The following DALRD3 variants were observed in gnomAD, a reference collection of about 807,000 sequenced individuals.
The protein encoded by DALRD3 is DALR anticodon binding domain containing 3.
DALRD3 carries 47 observed loss-of-function variants against 56.7 expected under a neutral mutation model. The observed-to-expected ratio is 0.83, with a 90% CI of 0.66 to 1.06. DALRD3 has a LOEUF of 1.06. DALRD3 is among the 50% of genes least tolerant of loss of function. The pLI, the probability that DALRD3 is intolerant of heterozygous loss-of-function variation, is 0.00. For synonymous variants in DALRD3, 347 were observed against 308.5 expected, an observed-to-expected ratio of 1.12 and a Z score of -1.31; for missense variants, 787 against 724.0, an observed-to-expected ratio of 1.09 and a Z score of -1.00.
Position 49,018,200 on chromosome 3 carries a change from A to G in DALRD3, c.284T>C (p.Phe95Ser). The change falls in exon 2 of 12, where the codon TTC becomes TCC. Residue 95 changes from phenylalanine (F) to serine (S), a missense_variant. By Grantham distance (155) the Phe-to-Ser change is radical. Coordinates refer to ENST00000341949, the MANE Select transcript of DALRD3 (RefSeq NM_001009996.3). Reference protein sequence around the residue: ...LSLQLQRSAVFERVLSAVAAY... With the variant: ...LSLQLQRSAVSERVLSAVAAY... Reference sequence around the variant, plus strand: ...GGCCACGGCGCTGAGGACGCGCTCGAAGACGGCGGACCGCTGCAGTTGGAG... The same window carrying G: ...GGCCACGGCGCTGAGGACGCGCTCGGAGACGGCGGACCGCTGCAGTTGGAG... 1 of 1,447,086 alleles carries G rather than the reference A, an allele frequency of 6.9e-7. No individual in the cohort carries two copies. Among genetic ancestry groups the G allele is most frequent in the Non-Finnish European group, 9.0e-7 (1 of 1,111,564 alleles). 89.6% of individuals were successfully genotyped at this position (1,447,086 alleles called of 1,614,324 possible).
At chr3:49,019,636 C>T (rs545781856), upstream of DALRD3, among the ~76,000 whole-genome samples, 19 of 152,150 alleles carry the variant, frequency 1.2e-4, no homozygotes, top group South Asian at 8.3e-4. Context: ...CGCGCCACCA[C>T]GCCCGGCTAC....
chr3:49,017,465 C>T lies in DALRD3; in HGVS notation c.767G>A (p.Trp256Ter). ...SVLAELQEALWHWPEDSHPGL... is the reference protein window; with the variant it reads ...SVLAELQEAL ...TGGGTGGCTGTCCTCGGGCCAATGC[C>T]ATAGAGCCTCTTGCAGCTCAGCCAG... The change falls in exon 4 of 12, where the codon TGG becomes TAG. Residue 256 changes from tryptophan (W) to a stop codon, truncating the protein, a stop_gained. Coordinates refer to ENST00000341949, the MANE Select transcript of DALRD3 (RefSeq NM_001009996.3). LOFTEE classifies it high-confidence loss of function. 6.2e-7 allele frequency: 1 copy of T among 1,614,124 alleles called. No homozygotes were observed. The highest frequency in any genetic ancestry group is 8.5e-7 in the Non-Finnish European group (1 of 1,180,038).
intron 1 of DALRD3, 21 bp downstream of exon 1, chr3:49,018,379 C>T: frequency 1.3e-6 from 2 of 1,544,136 alleles, no homozygotes; most frequent in Non-Finnish European, 1.7e-6. Context: ...GGCCGCACGG[C>T]CCCGCCCGGC....
At position 49,016,335 on chromosome 3, in the gene DALRD3, G is replaced by A; in HGVS notation, c.1152C>T (p.Phe384=). The change falls in exon 9 of 12, where the codon TTC becomes TTT. Residue 384 remains phenylalanine (F), a synonymous_variant. Transcript: ENST00000341949. ...MLSTAPQSQL[F]LALADSSIST... is the part of the protein sequence containing the mutation. ...AGATACTGCTGTCAGCCAGAGCCAG[G>A]AAGAGCTGGGGAATAGAAGCACAGC... The A allele has an allele frequency of 6.2e-7, 1 of 1,607,200 alleles. No individual in the cohort carries two copies. Among genetic ancestry groups the A allele is most frequent in the Non-Finnish European group, 8.5e-7 (1 of 1,174,544 alleles).
rs1049676569 is a variant in DALRD3 at position 49,018,549 on chromosome 3, G to A, written c.16C>T (p.Leu6Phe). MATRR[L>F]GVGETLGALN... ...GCCCCCAGCGTCTCCCCGACCCCAAGGCGCCTGGTCGCCATGGTGACCGGA... is the reference window on the plus strand; with the variant it reads ...GCCCCCAGCGTCTCCCCGACCCCAAAGCGCCTGGTCGCCATGGTGACCGGA... The change falls in exon 1 of 12, where the codon CTT becomes TTT. Residue 6 changes from leucine to phenylalanine, a missense_variant. Leu to Phe is a conservative substitution (Grantham distance 22). Coordinates refer to ENST00000341949, the MANE Select transcript of DALRD3 (RefSeq NM_001009996.3). 3.2e-6 allele frequency: 5 copies of A among 1,577,416 alleles called. No individual in the cohort carries two copies. Among genetic ancestry groups the A allele is most frequent in the Non-Finnish European group, 4.3e-6 (5 of 1,162,946 alleles).
rs776524630 is a variant in DALRD3, at chr3:49,015,508, T to C, written c.*80A>G. On this transcript the variant is annotated 3_prime_UTR_variant, in exon 12 of 12. Transcript: ENST00000341949. ...AGAACTTTGTAACAAACAGTACCAA[T>C]TTATTTTGGCCGTGGGTTTTTGCTT... is the stretch of plus-strand genomic sequence containing the variant. 2.7e-4 allele frequency: 432 copies of C among 1,587,670 alleles called. No individual in the cohort carries two copies. The highest frequency in any genetic ancestry group is 3.5e-4 in the Non-Finnish European group (403 of 1,161,362).
At chr3:49,019,943 T>C (rs1207633972), upstream of DALRD3, among the ~76,000 whole-genome samples, 1 of 152,160 alleles carries the variant, frequency 6.6e-6, no homozygotes, top group Non-Finnish European at 1.5e-5. Context: ...ATAGGAAAGG[T>C]CTTTTTCTTT....
At chr3:49,021,242 A>G (rs1383193335), upstream of DALRD3, 1 of 152,308 alleles carries the variant, frequency 6.6e-6, no homozygotes, top group Non-Finnish European at 1.5e-5. This position sits in a 1 kb window ranked among gnomAD's most constrained non-coding sequence, Gnocchi z 4.1. Context: ...CGGGTAGCGA[A>G]AGCGACAATG....
intron 5 of DALRD3, 128 bp downstream of exon 5, chr3:49,017,100 A>G (rs577055965): frequency 1.5e-6 from 2 of 1,366,070 alleles, no homozygotes; most frequent in Admixed American, 2.0e-5. Context: ...ATGCCCTCTC[A>G]AGTCCAGCAA....
Position 49,015,875 on chromosome 3 carries a change from A to AGAGAC in DALRD3, c.1444-8_1444-4dup. The AGAGAC allele has an allele frequency of 1.9e-6, 3 of 1,614,192 alleles. No individual in the cohort carries two copies. The highest frequency in any genetic ancestry group is 2.5e-6 in the Non-Finnish European group (3 of 1,180,042). ...AGCTGTACCAGGAACTTGCATATCT[A>AGAGAC]GAGACAGAGACTGAGTCACTGGCCC... On this transcript the variant is annotated splice_polypyrimidine_tract_variant and splice_region_variant and intron_variant, in intron 10 of 11. Coordinates refer to ENST00000341949, the MANE Select transcript of DALRD3 (RefSeq NM_001009996.3).
chr3:49,018,641 G>A, upstream of DALRD3: 1 of 1,450,224 alleles, frequency 6.9e-7, no homozygotes, highest in East Asian at 2.7e-5. Context: ...ACTAGCTGGG[G>A]CGGGGATGCG....
At chr3:49,020,339 G>C, upstream of DALRD3, 8 of 456,548 alleles carry the variant, frequency 1.8e-5, no homozygotes, top group Non-Finnish European at 3.7e-5. Context: ...GGTTGGGGTG[G>C]TTTTTCCCCA....
Position 49,016,243 on chromosome 3 carries a change from T to C in DALRD3, c.1244A>G (p.Glu415Gly). ...TTGTTCCATACTACACTTGTAACTC[T>C]CAAAGAGTGTGGCAAGACGGGCACA... ...YNCARLATLF[E>G]SYKCSMEQGL... is the part of the protein sequence containing the mutation. The change falls in exon 9 of 12, where the codon GAG (glutamate) becomes GGG (glycine). Residue 415 changes from glutamate (E) to glycine (G), a missense_variant. Physicochemically the swap from Glu to Gly is moderately conservative, Grantham distance 98. Transcript: ENST00000341949. The C allele has an allele frequency of 6.2e-7, 1 of 1,614,138 alleles. No homozygotes were observed. Among genetic ancestry groups the C allele is most frequent in the Admixed American group, 1.7e-5 (1 of 60,026 alleles).
At position 49,016,454 on chromosome 3, in the gene DALRD3, A is replaced by G. The variant is rs1391405745; in HGVS notation, c.1121T>C (p.Met374Thr). 1 of 1,613,990 alleles carries G rather than the reference A, an allele frequency of 6.2e-7. No individual in the cohort carries two copies. The highest frequency in any genetic ancestry group is 8.5e-7 in the Non-Finnish European group (1 of 1,179,992). ...VLSVATIKFE[M>T]LSTAPQSQLF... The stretch of plus-strand genomic sequence containing the variant: ...CTGACTCTGTGGGGCTGTGCTCAGC[A>G]TCTCAAACTTGATGGTGGCCACAGA... Residue 374 changes from methionine to threonine, a missense_variant, in exon 8 of 12, where the codon ATG becomes ACG. Met to Thr is a moderately conservative substitution (Grantham distance 81, BLOSUM62 -1). Coordinates refer to ENST00000341949, the MANE Select transcript of DALRD3 (RefSeq NM_001009996.3).
Position 49,017,279 on chromosome 3 carries a change from C to G in DALRD3, c.876G>C (p.Gln292His). Residue 292 changes from glutamine to histidine, a missense_variant, in exon 5 of 12, where the codon CAG (glutamine) becomes CAC (histidine). Transcript: ENST00000341949. The stretch of plus-strand genomic sequence containing the variant: ...ACTTCTGCCAAAGCAGGTCCAACTT[C>G]TGTTGCTGGAACTCCTCCTCACAGC... ...VVSCEEEFQQQKLDLLWQKLV... is the reference protein window; with the variant it reads ...VVSCEEEFQQHKLDLLWQKLV... 6.2e-7 allele frequency: 1 copy of G among 1,614,234 alleles called. No homozygotes were observed. The highest frequency in any genetic ancestry group is 1.7e-5 in the Admixed American group (1 of 60,034).
intron 2 of DALRD3, 52 bp from the exon 3 acceptor site, chr3:49,017,921 C>A: frequency 6.4e-7 from 1 of 1,551,520 alleles, no homozygotes; most frequent in Non-Finnish European, 8.7e-7. Context: ...CAGCTCGCCA[C>A]GACTTCCCAC....
Position 49,015,504 on chromosome 3 carries a change from C to A in DALRD3, c.*84G>T, listed in dbSNP as rs1305011937. 3 of 1,584,860 alleles carry A rather than the reference C, an allele frequency of 1.9e-6. No individual in the cohort carries two copies. Among genetic ancestry groups the A allele is most frequent in the Non-Finnish European group, 2.6e-6 (3 of 1,159,298 alleles). ...AGACAGAACTTTGTAACAAACAGTA[C>A]CAATTTATTTTGGCCGTGGGTTTTT... On this transcript the variant is annotated 3_prime_UTR_variant, in exon 12 of 12. Coordinates refer to ENST00000341949, the MANE Select transcript of DALRD3 (RefSeq NM_001009996.3).
chr3:49,016,630 C>G lies in DALRD3; in HGVS notation c.1045G>C (p.Gly349Arg), dbSNP rs747922020. The change falls in exon 7 of 12, where the codon GGT (glycine) becomes CGT (arginine). Residue 349 changes from glycine (G) to arginine (R), a missense_variant. Coordinates refer to ENST00000341949, the MANE Select transcript of DALRD3 (RefSeq NM_001009996.3). ...GGCACACCTTGTGCCAGATCCCCAC[C>G]ATGCTTCAGTGCTGAGGCCTTGCAC... is the stretch of plus-strand genomic sequence containing the variant. The part of the protein sequence containing the change: ...QVCKASALKH[G>R]GDLAQDPAWT... The G allele has an allele frequency of 1.3e-6, 2 of 1,587,228 alleles. No individual in the cohort carries two copies. The highest frequency in any genetic ancestry group is 2.3e-5 in the South Asian group (2 of 86,556).
rs2093098529 is a variant in DALRD3, at chr3:49,017,374, T to G, written c.799-18A>C. The G allele has an allele frequency of 6.2e-7, 1 of 1,614,100 alleles. No individual in the cohort carries two copies. The highest frequency in any genetic ancestry group is 1.7e-5 in the Admixed American group (1 of 60,006). ...GCCCCAGCCTAAGGGAGGACAATCA[T>G]AACTGTGGAAGTACAGTATACTTGG... On this transcript the variant is annotated intron_variant, in intron 4 of 11. Transcript: ENST00000341949.
Sources: gnomAD v4.1 joint callset for allele counts (sites outside exome capture counted in the v4.1 genomes callset) on GRCh38, gnomAD v4.1.1 for gene constraint, Gnocchi (gnomAD v3.1) non-coding constraint, MANE v1.5 for transcripts, NCBI Gene and HGNC (gene_info 2026-07-23, HGNC 2026-07-21) for gene names.